RBMS3: variants seen among roughly 807,000 people sequenced by gnomAD.
RBMS3 encodes RNA binding motif single stranded interacting protein 3.
Under a neutral mutation model 66.8 loss-of-function variants are expected in RBMS3, and 27 were observed. The observed-to-expected ratio is 0.40, with a 90% CI of 0.30 to 0.56. RBMS3 has a LOEUF of 0.56. RBMS3 is among the 20% of genes least tolerant of loss of function. RBMS3 has a pLI of 0.40. For missense variants in RBMS3, 513 were observed against 549.5 expected (o/e 0.93, Z 0.66); for synonymous variants, 188 against 183.0 (o/e 1.03, Z -0.22).
At chr3:29,710,630 A>C (rs2053122487) in intron 4 of RBMS3, among the ~76,000 whole-genome samples, 1 of 152,202 alleles carries the variant, frequency 6.6e-6, no homozygotes, top group Non-Finnish European at 1.5e-5. Context: ...AAGTGAAAAC[A>C]TAGTGTGTTA....
At chr3:29,405,922 G>T (rs142289357) in intron 1 of RBMS3, among the ~76,000 whole-genome samples, 24 of 152,276 alleles carry the variant, frequency 1.6e-4, no homozygotes, top group African/African-American at 5.5e-4. Context: ...GATTGAAACA[G>T]TACTTGAATG....
chr3:29,892,847 T>TATGTATG (rs34251421), intron 8 of RBMS3, among the ~76,000 whole-genome samples: 38 of 53,272 alleles, frequency 7.1e-4, no homozygotes, highest in East Asian at 2.4e-3. Context: ...ATGTATGTAT[T>TATGTATG]TATTTATTTA....
chr3:29,831,931 G>T (rs1467086909), intron 6 of RBMS3, among the ~76,000 whole-genome samples: 2 of 152,010 alleles, frequency 1.3e-5, no homozygotes, highest in Non-Finnish European at 2.9e-5. Flanking sequence ...TAAGATAAAG[G>T]TTATCTCAAA....
At chr3:29,659,026 C>T (rs562060901) in intron 4 of RBMS3, among the ~76,000 whole-genome samples, 25 of 152,056 alleles carry the variant, frequency 1.6e-4, no homozygotes, top group Non-Finnish European at 2.8e-4. Context: ...ACCGTGTTAG[C>T]CAGGATGGTC....
intron 12 of RBMS3, among the ~76,000 whole-genome samples, chr3:29,950,975 T>G (rs756660483): frequency 2.6e-5 from 4 of 151,884 alleles, no homozygotes; most frequent in Non-Finnish European, 4.4e-5. Context: ...CCCTTAGCCT[T>G]GGTTATCAGG....
intron 1 of RBMS3, among the ~76,000 whole-genome samples, chr3:29,313,144 C>A (rs1345176075): frequency 6.6e-6 from 1 of 151,760 alleles, no homozygotes; most frequent in Admixed American, 6.6e-5. Context: ...TTATACACAT[C>A]ATTTTTCAAA....
chr3:29,749,167 A>C (rs1448558215), intron 5 of RBMS3, among the ~76,000 whole-genome samples: 3 of 152,212 alleles, frequency 2.0e-5, no homozygotes, highest in Non-Finnish European at 4.4e-5. Context: ...AGTACACTGA[A>C]AACATCCTGA....
chr3:29,675,847 C>T (rs540000166), intron 4 of RBMS3, among the ~76,000 whole-genome samples: 27 of 152,270 alleles, frequency 1.8e-4, no homozygotes, highest in African/African-American at 6.3e-4. Context: ...CTAGTTCAAC[C>T]ATTGTGGAAG....
chr3:29,823,294 A>C (rs546572738), intron 6 of RBMS3, among the ~76,000 whole-genome samples: 1 of 152,234 alleles, frequency 6.6e-6, no homozygotes, highest in African/African-American at 2.4e-5. Flanking sequence ...AATGGGTTTT[A>C]TCTCTTTGGT....
chr3:29,291,436 C>T (rs2032803650), intron 1 of RBMS3, among the ~76,000 whole-genome samples: 1 of 151,826 alleles, frequency 6.6e-6, no homozygotes, highest in South Asian at 2.1e-4. Context: ...ATTGGATTGA[C>T]CTTTGGCACT....
intron 2 of RBMS3, among the ~76,000 whole-genome samples, chr3:29,452,006 T>A (rs2042032247): frequency 6.6e-6 from 1 of 152,212 alleles, no homozygotes; most frequent in Non-Finnish European, 1.5e-5. Context: ...ATATTTTGCA[T>A]GAACAAACAC....
intron 1 of RBMS3, among the ~76,000 whole-genome samples, chr3:29,387,752 T>C (rs984637408): frequency 2.0e-5 from 3 of 151,528 alleles, no homozygotes; most frequent in African/African-American, 7.3e-5. Context: ...AAATACAAAA[T>C]AAATAAATAA....
At chr3:29,444,603 A>C (rs990018136) in intron 2 of RBMS3, among the ~76,000 whole-genome samples, 2 of 151,914 alleles carry the variant, frequency 1.3e-5, no homozygotes, top group Non-Finnish European at 2.9e-5. Flanking sequence ...GAATGATGAA[A>C]TGTGTTGAAT....
chr3:29,906,819 A>G (rs2149622577), intron 10 of RBMS3, among the ~76,000 whole-genome samples: 1 of 152,196 alleles, frequency 6.6e-6, no homozygotes, highest in East Asian at 1.9e-4. Flanking sequence ...CAACTTATCT[A>G]CATCTACAAA....
chr3:29,814,105 A>T (rs139081176), intron 6 of RBMS3, among the ~76,000 whole-genome samples: 76,279 of 150,190 alleles, frequency 0.51, 20,413 homozygotes, highest in African/African-American at 0.61. Flanking sequence ...CAGTATGATA[A>T]TGGCTGTGGG....
rs570773261 is a variant in RBMS3 at position 29,369,295 on chromosome 3, G to A, written c.76-65448G>A. ...TTACCTATATAATGAATCTGCACAT[G>A]TATGCCTGAAATAAAATAAATTTTA... is the stretch of plus-strand genomic sequence containing the variant. On this transcript the variant is annotated intron_variant, in intron 1 of 14. Transcript: ENST00000383767. 1.2e-3 allele frequency among the ~76,000 whole-genome samples: 190 copies of A among 152,090 alleles called. 1 individual carries two copies. Among genetic ancestry groups the A allele is most frequent in the South Asian group, 6.0e-3 (29 of 4,804 alleles).
intron 3 of RBMS3, among the ~76,000 whole-genome samples, chr3:29,507,502 A>G (rs561364131): frequency 6.6e-6 from 1 of 152,206 alleles, no homozygotes; most frequent in African/African-American, 2.4e-5. Context: ...ATTGCGAAAA[A>G]AAAAGACAAA....
At chr3:29,621,441 CCTGA>C (rs1262852905) in intron 4 of RBMS3, among the ~76,000 whole-genome samples, 5 of 152,100 alleles carry the variant, frequency 3.3e-5, no homozygotes, top group African/African-American at 1.2e-4. Flanking sequence ...ACAAGGGACT[CCTGA>C]CTATCAGGGA....
In RBMS3 at chr3:29,937,001, A is replaced by C. The variant is rs75681575; in HGVS notation, c.1050+805A>C. On this transcript the variant is annotated intron_variant, in intron 11 of 14. Coordinates refer to ENST00000383767, the MANE Select transcript of RBMS3 (RefSeq NM_001003793.3). ...TAACCACTCATGTGACACCTTCAGTAACAGTTTTATTTTCGTAAATGTTAG... is the reference window on the plus strand; with the variant it reads ...TAACCACTCATGTGACACCTTCAGTCACAGTTTTATTTTCGTAAATGTTAG... Among the ~76,000 whole-genome samples, 1,355 of 152,222 alleles carry C rather than the reference A, an allele frequency of 8.9e-3. 22 individuals are homozygous for C. The highest frequency in any genetic ancestry group is 0.031 in the African/African-American group (1,303 of 41,552).
Sources: allele counts gnomAD v4.1 joint callset (sites outside exome capture counted in the v4.1 genomes callset), GRCh38; gene constraint gnomAD v4.1.1; transcripts MANE v1.5; gene names NCBI Gene and HGNC (gene_info 2026-07-23, HGNC 2026-07-21).